The following CTNNA2 variants were observed in gnomAD, a reference collection of about 807,000 sequenced individuals.
CTNNA2 encodes the protein catenin alpha-2.
Under a neutral mutation model 101.0 loss-of-function variants are expected in CTNNA2, and 42 were observed. The ratio of observed to expected loss-of-function variants is 0.42; its 90% CI spans 0.32 to 0.54. The LOEUF (loss-of-function observed/expected upper bound fraction) is 0.54, where lower values mean the gene tolerates loss of function less well. CTNNA2 is among the 20% of genes least tolerant of loss of function. The pLI is 0.14. For missense variants in CTNNA2, 871 were observed against 1,223.1 expected (o/e 0.71, Z 4.29); for synonymous variants, 450 against 456.4 (o/e 0.99, Z 0.18).
intron 18 of CTNNA2, 63 bp from the exon 19 acceptor site, chr2:80,647,522 C>A: frequency 1.5e-6 from 2 of 1,316,752 alleles, no homozygotes; most frequent in Non-Finnish European, 2.1e-6. Context: ...GAAAGTACAT[C>A]ACCATTTTGT....
At chr2:79,718,619 TG>T (rs1427952615) in intron 2 of CTNNA2, among the ~76,000 whole-genome samples, 1 of 152,214 alleles carries the variant, frequency 6.6e-6, no homozygotes, top group African/African-American at 2.4e-5. Flanking sequence ...TCTTTCCCTT[TG>T]GATTACCCTT....
chr2:79,612,531 A>G (rs1678347668), intron 1 of CTNNA2, among the ~76,000 whole-genome samples: 2 of 152,284 alleles, frequency 1.3e-5, no homozygotes, highest in Non-Finnish European at 2.9e-5. Context: ...TTAGAATACA[A>G]TGCCGTACAC....
chr2:79,806,600 G>T (rs1382954517), intron 3 of CTNNA2, among the ~76,000 whole-genome samples: 1 of 151,952 alleles, frequency 6.6e-6, no homozygotes, highest in Non-Finnish European at 1.5e-5. Flanking sequence ...GGTACCATGT[G>T]CACACTACCT....
intron 4 of CTNNA2, among the ~76,000 whole-genome samples, chr2:79,496,511 ATAACT>A (rs1329731862): frequency 1.3e-5 from 2 of 152,090 alleles, no homozygotes; most frequent in African/African-American, 4.8e-5. Context: ...TCACTGGCAT[ATAACT>A]ATGTTCTACT....
chr2:80,335,307 C>G (rs1274275451), intron 7 of CTNNA2, among the ~76,000 whole-genome samples: 1 of 152,128 alleles, frequency 6.6e-6, no homozygotes, highest in African/African-American at 2.4e-5. Flanking sequence ...AATAGAACCT[C>G]CAGTCAAATG....
At chr2:79,710,961 A>G (rs1685699504) in intron 2 of CTNNA2, among the ~76,000 whole-genome samples, 1 of 152,200 alleles carries the variant, frequency 6.6e-6, no homozygotes, top group South Asian at 2.1e-4. Flanking sequence ...ATGAAACACA[A>G]CCATATACAG....
At chr2:79,523,130 T>C (rs963333337) in intron 1 of CTNNA2, 2 of 317,282 alleles carry the variant, frequency 6.3e-6, no homozygotes, top group Non-Finnish European at 1.3e-5. Flanking sequence ...ATAATAAAAA[T>C]TCTTCCTCTA....
intron 2 of CTNNA2, among the ~76,000 whole-genome samples, chr2:79,299,242 T>C (rs1230442764): frequency 6.6e-6 from 1 of 152,122 alleles, no homozygotes; most frequent in African/African-American, 2.4e-5. Context: ...AGTCTTGCTA[T>C]TGGAACTCAC....
intron 2 of CTNNA2, among the ~76,000 whole-genome samples, chr2:79,301,770 G>A (rs936147213): frequency 6.6e-6 from 1 of 152,040 alleles, no homozygotes; most frequent in Non-Finnish European, 1.5e-5. Context: ...AGTCAGAGCT[G>A]TGAGATCTGG....
intron 3 of CTNNA2, among the ~76,000 whole-genome samples, chr2:79,810,684 C>T (rs942093964): frequency 6.6e-6 from 1 of 151,646 alleles, no homozygotes; most frequent in South Asian, 2.1e-4. Context: ...CCCCTCCCCC[C>T]ACTCCACAAC....
At chr2:80,300,324 G>GTA (rs1210545526) in intron 7 of CTNNA2, among the ~76,000 whole-genome samples, 17 of 143,552 alleles carry the variant, frequency 1.2e-4, no homozygotes, top group Non-Finnish European at 2.4e-4. Flanking sequence ...GTGTGTGTGT[G>GTA]TGTGTGTGTA....
At chr2:80,060,436 G>A (rs945563251) in intron 7 of CTNNA2, among the ~76,000 whole-genome samples, 7 of 152,130 alleles carry the variant, frequency 4.6e-5, no homozygotes, top group African/African-American at 1.7e-4. Flanking sequence ...AGCAGAAGCA[G>A]CTGATCTCAT....
At chr2:80,477,022 GAATA>G (rs1316285116) in intron 9 of CTNNA2, among the ~76,000 whole-genome samples, 2 of 152,138 alleles carry the variant, frequency 1.3e-5, no homozygotes, top group East Asian at 3.9e-4. Flanking sequence ...TGTTTTGGTA[GAATA>G]ATTACTATTT....
chr2:80,592,429 C>A (rs1458161473), intron 15 of CTNNA2, among the ~76,000 whole-genome samples: 1 of 152,160 alleles, frequency 6.6e-6, no homozygotes, highest in East Asian at 1.9e-4. Context: ...CAAGGCCTAC[C>A]TTTCTTGACC....
intron 7 of CTNNA2, among the ~76,000 whole-genome samples, chr2:80,010,038 A>C (rs74803050): frequency 0.037 from 5,673 of 152,246 alleles, 138 homozygotes; most frequent in Middle Eastern, 0.078. Context: ...TCTTAGAATT[A>C]AATGTGATTA....
intron 4 of CTNNA2, among the ~76,000 whole-genome samples, chr2:79,408,080 G>A (rs1334174801): frequency 6.6e-6 from 1 of 151,894 alleles, no homozygotes; most frequent in African/African-American, 2.4e-5. Flanking sequence ...GTTCCATCCT[G>A]CAGTCAGTGG....
intron 12 of CTNNA2, among the ~76,000 whole-genome samples, chr2:80,561,531 AGCAATGTGATGAGG>A (rs1179692298): frequency 6.6e-6 from 1 of 152,150 alleles, no homozygotes; most frequent in Non-Finnish European, 1.5e-5. Flanking sequence ...CCGCTCTTGG[AGCAATGTGATGAGG>A]GCAGATGGAT....
At chr2:79,832,001 G>A (rs1010302630) in intron 3 of CTNNA2, among the ~76,000 whole-genome samples, 16 of 151,906 alleles carry the variant, frequency 1.1e-4, no homozygotes, top group Admixed American at 1.3e-4. Flanking sequence ...AGTTCACTTT[G>A]TCTTTAAAGC....
intron 2 of CTNNA2, among the ~76,000 whole-genome samples, chr2:79,297,178 ATTTGTTTGTTTG>A (rs147594060): frequency 0.12 from 17,732 of 151,370 alleles, 1,362 homozygotes; most frequent in African/African-American, 0.22. Flanking sequence ...TTGGTTTGTC[ATTTGTTTGTTTG>A]TTTGTTTGTT....
Sources: gnomAD v4.1 joint callset for allele counts (sites outside exome capture counted in the v4.1 genomes callset) on GRCh38, gnomAD v4.1.1 for gene constraint, MANE v1.5 for transcripts, NCBI Gene and HGNC (gene_info 2026-07-23, HGNC 2026-07-21) for gene names.